JAKMIP1: variants seen among roughly 807,000 people sequenced by gnomAD.
JAKMIP1 encodes janus kinase and microtubule interacting protein 1.
Under a neutral mutation model 113.0 loss-of-function variants are expected in JAKMIP1, and 33 were observed. The ratio of observed to expected loss-of-function variants is 0.29; its 90% CI spans 0.22 to 0.39. The LOEUF (loss-of-function observed/expected upper bound fraction) is 0.39. JAKMIP1 is among the 10% of genes least tolerant of loss of function. The pLI is 1.00. For missense variants in JAKMIP1, 813 were observed against 1,080.5 expected (o/e 0.75, Z 3.47); for synonymous variants, 480 against 459.9 (o/e 1.04, Z -0.56).
chr4:6,177,056 C>T (rs189443591), intron 1 of JAKMIP1, among the ~76,000 whole-genome samples: 60 of 152,118 alleles, frequency 3.9e-4, no homozygotes, highest in Middle Eastern at 3.4e-3. Flanking sequence ...TTTAAATGAT[C>T]GGAAAGGTAC....
chr4:6,170,225 C>T (rs1432586383), intron 1 of JAKMIP1, among the ~76,000 whole-genome samples: 1 of 141,250 alleles, frequency 7.1e-6, no homozygotes. Context: ...CATCATAATG[C>T]TCTCCACCAT....
At chr4:6,166,313 GAGCC>G (rs1560307084) in intron 1 of JAKMIP1, among the ~76,000 whole-genome samples, 25 of 152,326 alleles carry the variant, frequency 1.6e-4, no homozygotes, top group African/African-American at 6.0e-4. Context: ...ACCCGGCCAG[GAGCC>G]TGCCTGAAGG....
At chr4:6,160,243 T>C (rs1327522941) in intron 1 of JAKMIP1, among the ~76,000 whole-genome samples, 1 of 152,184 alleles carries the variant, frequency 6.6e-6, no homozygotes, top group Non-Finnish European at 1.5e-5. Context: ...AGGTATGAGA[T>C]GTAACTGATG....
chr4:6,045,754 C>T (rs894541054), intron 16 of JAKMIP1, among the ~76,000 whole-genome samples: 1 of 152,170 alleles, frequency 6.6e-6, no homozygotes, highest in Non-Finnish European at 1.5e-5. Context: ...TGCCTATAAT[C>T]CCAGCTGCAG....
At position 6,197,826 on chromosome 4, in the gene JAKMIP1, G is replaced by A. The variant is rs1728006860; in HGVS notation, c.-148+2427C>T. Among the ~76,000 whole-genome samples the A allele has an allele frequency of 1.3e-5, 2 of 152,246 alleles. No individual in the cohort carries two copies. The highest frequency in any genetic ancestry group is 6.5e-5 in the Admixed American group (1 of 15,286). The stretch of plus-strand genomic sequence containing the variant: ...CCACCCTCGAGGAGTTAAACAGATA[G>A]CCATAGCCTGCAGTGGCAATTGCTG... On this transcript the variant is annotated intron_variant, in intron 1 of 20. Transcript: ENST00000409021. This position sits in a 1 kb window ranked among gnomAD's most constrained non-coding sequence, Gnocchi z 6.5.
chr4:6,037,123 C>G (rs915368595), intron 18 of JAKMIP1, among the ~76,000 whole-genome samples: 10 of 146,010 alleles, frequency 6.8e-5, no homozygotes, highest in African/African-American at 2.4e-4. Flanking sequence ...CGGTATCCCT[C>G]CATCACTGAG....
rs1345500937 is a variant in JAKMIP1, at chr4:6,106,552, C to CTT, written c.130-586_130-585insAA. 6.6e-6 allele frequency among the ~76,000 whole-genome samples: 1 copy of CTT among 151,854 alleles called. No individual in the cohort carries two copies. The highest frequency in any genetic ancestry group is 2.4e-5 in the African/African-American group (1 of 41,288). On this transcript the variant is annotated intron_variant, in intron 2 of 20. Coordinates refer to ENST00000409021, the MANE Select transcript of JAKMIP1 (RefSeq NM_001099433.2). The surrounding 1 kb of genome is among the most constrained non-coding windows in gnomAD (Gnocchi z 5.9). ...TTCTCCCTCTCTCCTCTCTCTCTCTCTCTCTTCCTCTCTCTCTCCTCTGTT... is the reference window on the plus strand; with the variant it reads ...TTCTCCCTCTCTCCTCTCTCTCTCTCTTTCTCTTCCTCTCTCTCTCCTCTGTT...
chr4:6,026,502 C>T (rs890383787), intron 20 of JAKMIP1, among the ~76,000 whole-genome samples: 1 of 152,132 alleles, frequency 6.6e-6, no homozygotes, highest in Non-Finnish European at 1.5e-5. Flanking sequence ...TATCCCGACC[C>T]ACTCTCCAAA....
chr4:6,026,363 T>C, intron 20 of JAKMIP1, 85 bp from the exon 21 acceptor site: 1 of 720,484 alleles, frequency 1.4e-6, no homozygotes, highest in Middle Eastern at 2.5e-4. Context: ...TGGAACTCAA[T>C]GACAGCATTT....
Position 6,106,667 on chromosome 4 carries a change from G to T in JAKMIP1, c.130-700C>A, listed in dbSNP as rs1436811499. On this transcript the variant is annotated intron_variant, in intron 2 of 20. Coordinates refer to ENST00000409021, the MANE Select transcript of JAKMIP1 (RefSeq NM_001099433.2). The surrounding 1 kb of genome is among the most constrained non-coding windows in gnomAD (Gnocchi z 5.9). The stretch of plus-strand genomic sequence containing the variant: ...CCTGTGCTACCAGGCAACCCACCCC[G>T]CCTTGAGCCTATTCATTTTATCAGC... Among the ~76,000 whole-genome samples the T allele has an allele frequency of 1.3e-5, 2 of 152,070 alleles. No individual in the cohort carries two copies. Among genetic ancestry groups the T allele is most frequent in the Admixed American group, 6.5e-5 (1 of 15,278 alleles).
At chr4:6,074,707 G>A (rs140647791) in intron 8 of JAKMIP1, among the ~76,000 whole-genome samples, 4 of 152,274 alleles carry the variant, frequency 2.6e-5, no homozygotes, top group African/African-American at 9.6e-5. Flanking sequence ...CAGTGCAGAT[G>A]CCCTGTAAAC....
Position 6,064,327 on chromosome 4 carries a change from C to T in JAKMIP1, c.1431+553G>A, listed in dbSNP as rs1010322128. Among the ~76,000 whole-genome samples, 2 of 152,228 alleles carry T rather than the reference C, an allele frequency of 1.3e-5. No homozygotes were observed. Among genetic ancestry groups the T allele is most frequent in the Non-Finnish European group, 2.9e-5 (2 of 68,040 alleles). ...TTTGCCCCCTCACGAATCCACCTTG[C>T]TCAAGAAGCTGGCTATGCACCCAGA... On this transcript the variant is annotated intron_variant, in intron 9 of 20. Coordinates refer to ENST00000409021, the MANE Select transcript of JAKMIP1 (RefSeq NM_001099433.2). The surrounding 1 kb of genome is among the most constrained non-coding windows in gnomAD (Gnocchi z 4.3).
rs188832019 is a variant in JAKMIP1, at chr4:6,121,590, G to C, written c.-147-8593C>G. Among the ~76,000 whole-genome samples the C allele has an allele frequency of 4.2e-3, 646 of 152,346 alleles. 3 individuals carry two copies. The highest frequency in any genetic ancestry group is 6.8e-3 in the Non-Finnish European group (461 of 68,034). On this transcript the variant is annotated intron_variant, in intron 1 of 20. Transcript: ENST00000409021. ...GTACGCCATCACAACAGACGTGCAG[G>C]CTGCCCCCGGACCTAGCAGGGAGCA... is the stretch of plus-strand genomic sequence containing the variant.
intron 1 of JAKMIP1, among the ~76,000 whole-genome samples, chr4:6,189,105 T>G (rs190717132): frequency 1.3e-5 from 2 of 152,268 alleles, no homozygotes. Flanking sequence ...TCTTCCACAG[T>G]GCATTCGGAG....
rs1379907276 is a variant in JAKMIP1, at chr4:6,051,161, G to A, written c.1807-482C>T. On this transcript the variant is annotated intron_variant, in intron 13 of 20. Coordinates refer to ENST00000409021, the MANE Select transcript of JAKMIP1 (RefSeq NM_001099433.2). This position sits in a 1 kb window ranked among gnomAD's most constrained non-coding sequence, Gnocchi z 5.0. The stretch of plus-strand genomic sequence containing the variant: ...GTGGCCCAGGGAGGCTGTGTCTGAG[G>A]TCCCACGCTAGCAAGCGGCAGGGCC... 6.6e-6 allele frequency among the ~76,000 whole-genome samples: 1 copy of A among 152,000 alleles called. No individual in the cohort carries two copies. The highest frequency in any genetic ancestry group is 1.9e-4 in the East Asian group (1 of 5,174).
In JAKMIP1 at chr4:6,050,749, A is replaced by G; in HGVS notation, c.1807-70T>C. 1 of 1,291,722 alleles carries G rather than the reference A, an allele frequency of 7.7e-7. No individual in the cohort carries two copies. Among genetic ancestry groups the G allele is most frequent in the Non-Finnish European group, 1.1e-6 (1 of 914,394 alleles). The allele number at this position is 1,291,722 out of a possible 1,614,324, so 80.0% of individuals were successfully genotyped here. A position where few individuals can be genotyped will look rare whatever the true frequency, so the allele number is the denominator to read the frequency against. On this transcript the variant is annotated intron_variant, in intron 13 of 20. Transcript: ENST00000409021. The surrounding 1 kb of genome is among the most constrained non-coding windows in gnomAD (Gnocchi z 7.4). ...TTACCACTTGCCATTTTCCCACGTT[A>G]CTCAGCAAAAACCAAGGAATTCCAG...
intron 18 of JAKMIP1, among the ~76,000 whole-genome samples, chr4:6,038,119 C>T (rs1713787178): frequency 7.4e-6 from 1 of 135,638 alleles, no homozygotes; most frequent in Non-Finnish European, 1.6e-5. Flanking sequence ...GAGGTTAACC[C>T]AGTAGCCCTC....
Position 6,049,944 on chromosome 4 carries a change from G to T in JAKMIP1, c.1909-72C>A. ...AACCATACCAATTTCTAGGGCCACG[G>T]CCTTTCCTCTGGACAAGACACCGCG... On this transcript the variant is annotated intron_variant, in intron 14 of 20. Coordinates refer to ENST00000409021, the MANE Select transcript of JAKMIP1 (RefSeq NM_001099433.2). This position sits in a 1 kb window ranked among gnomAD's most constrained non-coding sequence, Gnocchi z 7.0. 2 of 1,095,278 alleles carry T rather than the reference G, an allele frequency of 1.8e-6. No homozygotes were observed. Among genetic ancestry groups the T allele is most frequent in the Non-Finnish European group, 2.8e-6 (2 of 719,622 alleles). 67.8% of individuals were successfully genotyped at this position (1,095,278 alleles called of 1,614,324 possible). A position where few individuals can be genotyped will look rare whatever the true frequency, so the allele number is the denominator to read the frequency against.
rs374813528 is a variant in JAKMIP1, at chr4:6,112,033, G to A, written c.129+689C>T. Among the ~76,000 whole-genome samples, 12 of 152,296 alleles carry A rather than the reference G, an allele frequency of 7.9e-5. No individual in the cohort carries two copies. In the East Asian group the frequency reaches 1.9e-3, roughly 24 times the overall value. ...AGGCCATGATGGGAAGCGGGGAAGT[G>A]GGACATACCTCACTATGCCCTACTC... On this transcript the variant is annotated intron_variant, in intron 2 of 20. Coordinates refer to ENST00000409021, the MANE Select transcript of JAKMIP1 (RefSeq NM_001099433.2).
Sources: gnomAD v4.1 joint callset for allele counts (sites outside exome capture counted in the v4.1 genomes callset) on GRCh38, gnomAD v4.1.1 for gene constraint, Gnocchi (gnomAD v3.1) non-coding constraint, MANE v1.5 for transcripts, NCBI Gene and HGNC (gene_info 2026-07-23, HGNC 2026-07-21) for gene names.